Variants in LRP12 observed in about 807,000 individuals in gnomAD.
The protein encoded by LRP12 is LDL receptor related protein 12.
A neutral mutation model predicts 66.0 loss-of-function variants in LRP12; 14 were observed. The observed-to-expected ratio is 0.21, with a 90% CI of 0.14 to 0.33. The LOEUF is 0.33. Ranked by LOEUF, LRP12 falls within the 10% of genes least tolerant of loss-of-function variation. LRP12 has a pLI of 1.00. For synonymous variants in LRP12, 357 were observed against 359.1 expected (o/e 0.99, Z 0.07); for missense variants, 889 against 1,053.4 (o/e 0.84, Z 2.16).
At chr8:104,520,971 C>G (rs1055072053) in intron 2 of LRP12, among the ~76,000 whole-genome samples, 2 of 152,064 alleles carry the variant, frequency 1.3e-5, no homozygotes, top group African/African-American at 4.8e-5. Context: ...ATGAACTTCA[C>G]TTCTACCATC....
At chr8:104,548,288 C>A (rs182335109) in intron 1 of LRP12, among the ~76,000 whole-genome samples, 1,668 of 63,588 alleles carry the variant, frequency 0.026, 174 homozygotes, top group African/African-American at 0.15. Context: ...ATTAATATAT[C>A]ATATATTTAT....
intron 1 of LRP12, among the ~76,000 whole-genome samples, chr8:104,576,310 T>C (rs1812163578): frequency 6.6e-6 from 1 of 152,120 alleles, no homozygotes; most frequent in Admixed American, 6.6e-5. Flanking sequence ...CCAAGGTGTG[T>C]AATCATCAGA....
At chr8:104,567,074 A>G (rs1812016073) in intron 1 of LRP12, among the ~76,000 whole-genome samples, 1 of 152,190 alleles carries the variant, frequency 6.6e-6, no homozygotes, top group South Asian at 2.1e-4. Flanking sequence ...GTGTTTACAA[A>G]TAAAAACAAG....
intron 1 of LRP12, among the ~76,000 whole-genome samples, chr8:104,553,520 T>C (rs1050664282): frequency 3.9e-5 from 6 of 152,068 alleles, no homozygotes; most frequent in Admixed American, 3.9e-4. Flanking sequence ...GCAGCCATAA[T>C]CCTCCTGGGT....
chr8:104,542,392 T>C (rs967642648), intron 1 of LRP12, among the ~76,000 whole-genome samples: 2 of 152,206 alleles, frequency 1.3e-5, no homozygotes, highest in African/African-American at 2.4e-5. Flanking sequence ...ACATTGTAGA[T>C]ATTGATCCCT....
At chr8:104,548,348 T>TTA (rs1416349186) in intron 1 of LRP12, among the ~76,000 whole-genome samples, 4 of 45,190 alleles carry the variant, frequency 8.9e-5, no homozygotes, top group African/African-American at 8.2e-4. Context: ...AATATATAAA[T>TTA]ATATAATATA....
chr8:104,574,682 AACG>A (rs1812134725), intron 1 of LRP12, among the ~76,000 whole-genome samples: 1 of 152,230 alleles, frequency 6.6e-6, no homozygotes, highest in African/African-American at 2.4e-5. Flanking sequence ...TAAAATTTAC[AACG>A]GATTTTGAAG....
At chr8:104,520,949 T>C (rs939353215) in intron 2 of LRP12, among the ~76,000 whole-genome samples, 10 of 152,066 alleles carry the variant, frequency 6.6e-5, no homozygotes, top group Admixed American at 5.9e-4. Flanking sequence ...ATGAAATGGA[T>C]ATATCCATCA....
intron 1 of LRP12, chr8:104,566,049 A>C (rs1811998154): frequency 5.2e-6 from 1 of 193,046 alleles, no homozygotes; most frequent in South Asian, 1.8e-4. Context: ...TAAAGACTTC[A>C]AAAAAAATGG....
chr8:104,575,229 A>G (rs1266355024), intron 1 of LRP12, among the ~76,000 whole-genome samples: 1 of 152,162 alleles, frequency 6.6e-6, no homozygotes, highest in Non-Finnish European at 1.5e-5. Context: ...CCCTGCCCCC[A>G]AGCCAACATC....
Position 104,497,087 on chromosome 8 carries a change from C to T in LRP12, c.1465G>A (p.Val489Met), listed in dbSNP as rs777987080. ...GSDEENCPVI[V>M]PTRVITAAVI... ...GCAGCAGTGATGACTCTTGTAGGCACGATTACTGGGCAATTTTCTTCATCG... is the reference window on the plus strand; with the variant it reads ...GCAGCAGTGATGACTCTTGTAGGCATGATTACTGGGCAATTTTCTTCATCG... Residue 489 changes from valine (V) to methionine (M), a missense_variant, in exon 5 of 7, where the codon GTG becomes ATG. By Grantham distance (21) the Val-to-Met change is conservative. Coordinates refer to ENST00000276654, the MANE Select transcript of LRP12 (RefSeq NM_013437.5). The surrounding 1 kb of genome is among the most constrained non-coding windows in gnomAD (Gnocchi z 4.3). 5 of 1,613,496 alleles carry T rather than the reference C, an allele frequency of 3.1e-6. No homozygotes were observed. Among genetic ancestry groups the T allele is most frequent in the Non-Finnish European group, 4.2e-6 (5 of 1,179,684 alleles).
At chr8:104,537,965 A>G (rs1020236645) in intron 1 of LRP12, among the ~76,000 whole-genome samples, 1 of 152,172 alleles carries the variant, frequency 6.6e-6, no homozygotes, top group African/African-American at 2.4e-5. Flanking sequence ...TCATCCTGAC[A>G]AAATAACTAC....
At chr8:104,570,853 G>A (rs1374873611) in intron 1 of LRP12, among the ~76,000 whole-genome samples, 1 of 151,832 alleles carries the variant, frequency 6.6e-6, no homozygotes, top group Non-Finnish European at 1.5e-5. Flanking sequence ...TCAGAGGGGG[G>A]AAAAATATAT....
intron 2 of LRP12, among the ~76,000 whole-genome samples, chr8:104,523,894 G>C (rs1811187833): frequency 6.6e-6 from 1 of 152,118 alleles, no homozygotes; most frequent in African/African-American, 2.4e-5. Flanking sequence ...TACTGTAAAT[G>C]AATTTTCTCT....
chr8:104,518,458 C>G (rs1811102948), intron 2 of LRP12, among the ~76,000 whole-genome samples: 1 of 152,038 alleles, frequency 6.6e-6, no homozygotes. Flanking sequence ...CACTAACGAA[C>G]TCCCTATAAC....
Position 104,496,655 on chromosome 8 carries a change from T to A in LRP12, c.1580+317A>T, listed in dbSNP as rs557264939. On this transcript the variant is annotated intron_variant, in intron 5 of 6. Coordinates refer to ENST00000276654, the MANE Select transcript of LRP12 (RefSeq NM_013437.5). ...ATATAGAATAACTGGAATTTTTGAA[T>A]TTGTATTTAGAAAAATACAGGTTAA... 2.7e-4 allele frequency among the ~76,000 whole-genome samples: 41 copies of A among 152,326 alleles called. 1 individual carries two copies. The Middle Eastern group carries it at 0.01, about 38-fold the overall frequency.
intron 2 of LRP12, among the ~76,000 whole-genome samples, chr8:104,512,623 T>G (rs1185443799): frequency 1.3e-5 from 2 of 152,204 alleles, no homozygotes; most frequent in African/African-American, 4.8e-5. Context: ...CAAAGAACAT[T>G]CCTAACCTTT....
intron 1 of LRP12, among the ~76,000 whole-genome samples, chr8:104,557,542 A>C (rs185454611): frequency 0.03 from 4,599 of 152,016 alleles, 234 homozygotes; most frequent in African/African-American, 0.11. Context: ...AAAAAAAAAA[A>C]ATTAGGAATA....
intron 1 of LRP12, among the ~76,000 whole-genome samples, chr8:104,539,505 A>C (rs989055124): frequency 4.6e-5 from 7 of 151,924 alleles, no homozygotes; most frequent in Non-Finnish European, 7.4e-5. Flanking sequence ...ACAAAAAAAA[A>C]CCCCTCTGAT....
Sources: allele counts gnomAD v4.1 joint callset (sites outside exome capture counted in the v4.1 genomes callset), GRCh38; gene constraint gnomAD v4.1.1; non-coding constraint Gnocchi (gnomAD v3.1); transcripts MANE v1.5; gene names NCBI Gene and HGNC (gene_info 2026-07-23, HGNC 2026-07-21).